The following ATXN1 variants were observed in gnomAD, a reference collection of about 807,000 sequenced individuals.
The protein encoded by ATXN1 is ataxin-1.
In ATXN1, 8 loss-of-function variants were observed where a neutral mutation model predicts 56.4. That is an observed-to-expected ratio of 0.14 (90% CI 0.08 to 0.26). ATXN1 has a LOEUF of 0.26. Ranked by LOEUF, ATXN1 falls within the 10% of genes least tolerant of loss-of-function variation. The pLI, the probability that ATXN1 is intolerant of heterozygous loss-of-function variation, is 1.00. For synonymous variants in ATXN1, 514 were observed against 494.6 expected, an observed-to-expected ratio of 1.04 and a Z score of -0.52; for missense variants, 987 against 1,106.5, an observed-to-expected ratio of 0.89 and a Z score of 1.53.
intron 3 of ATXN1, among the ~76,000 whole-genome samples, chr6:16,646,419 C>T (rs1420018128): frequency 6.6e-6 from 1 of 152,182 alleles, no homozygotes; most frequent in African/African-American, 2.4e-5. Flanking sequence ...GTAATCAGAG[C>T]TAATTTATGT....
chr6:16,357,713 G>A (rs552701653), intron 6 of ATXN1, among the ~76,000 whole-genome samples: 1 of 152,316 alleles, frequency 6.6e-6, no homozygotes, highest in Admixed American at 6.5e-5. Context: ...TCTAGACTCA[G>A]GTAGCGACAA....
intron 2 of ATXN1, among the ~76,000 whole-genome samples, chr6:16,699,875 T>A (rs1474846544): frequency 6.6e-6 from 1 of 152,184 alleles, no homozygotes; most frequent in Non-Finnish European, 1.5e-5. Flanking sequence ...AACATTTTTT[T>A]AATGTAAATT....
chr6:16,528,570 G>A (rs994527518), intron 4 of ATXN1, among the ~76,000 whole-genome samples: 10 of 152,112 alleles, frequency 6.6e-5, no homozygotes, highest in Admixed American at 2.0e-4. Context: ...TTGTCTTGTC[G>A]TTGTATTGTA....
intron 4 of ATXN1, among the ~76,000 whole-genome samples, chr6:16,564,366 C>T (rs536666641): frequency 2.6e-5 from 4 of 152,022 alleles, no homozygotes; most frequent in East Asian, 1.9e-4. Flanking sequence ...GTAGGCTGCA[C>T]AGAGAAATGA....
intron 3 of ATXN1, among the ~76,000 whole-genome samples, chr6:16,616,374 T>A (rs1763208805): frequency 6.6e-6 from 1 of 151,330 alleles, no homozygotes; most frequent in African/African-American, 2.4e-5. Flanking sequence ...ACCCTGTCTC[T>A]ACTAAAAATA....
chr6:16,715,425 T>C (rs946390360), intron 2 of ATXN1, among the ~76,000 whole-genome samples: 86 of 152,304 alleles, frequency 5.6e-4, no homozygotes, highest in African/African-American at 2.0e-3. Context: ...AAAAATTTCA[T>C]GACTACTGCC....
At chr6:16,354,135 G>A (rs1030908423) in intron 6 of ATXN1, among the ~76,000 whole-genome samples, 1 of 152,162 alleles carries the variant, frequency 6.6e-6, no homozygotes, top group African/African-American at 2.4e-5. Context: ...TCAATGTGCA[G>A]CCATGGTTGA....
chr6:16,531,142 G>C (rs772373576), intron 4 of ATXN1, among the ~76,000 whole-genome samples: 2 of 152,158 alleles, frequency 1.3e-5, no homozygotes, highest in Non-Finnish European at 2.9e-5. Context: ...GAGATAGAGG[G>C]GAAGAGAAGC....
intron 2 of ATXN1, among the ~76,000 whole-genome samples, chr6:16,677,466 T>C (rs1353857435): frequency 1.3e-5 from 2 of 152,228 alleles, no homozygotes; most frequent in Non-Finnish European, 2.9e-5. Context: ...TTGAATTTTC[T>C]CTCTGTGTCC....
At chr6:16,316,887 TTTTTTA>T (rs1314304497) in intron 7 of ATXN1, among the ~76,000 whole-genome samples, 1 of 107,506 alleles carries the variant, frequency 9.3e-6, no homozygotes. Flanking sequence ...TTTTTTTTTT[TTTTTTA>T]ACCAGCCAGA....
At chr6:16,683,253 G>A (rs1429527061) in intron 2 of ATXN1, among the ~76,000 whole-genome samples, 1 of 152,132 alleles carries the variant, frequency 6.6e-6, no homozygotes, top group East Asian at 1.9e-4. Flanking sequence ...CTTCACCTTG[G>A]ACTAGAACAA....
At chr6:16,421,123 G>C (rs746786647) in intron 6 of ATXN1, among the ~76,000 whole-genome samples, 3 of 152,170 alleles carry the variant, frequency 2.0e-5, no homozygotes, top group Non-Finnish European at 4.4e-5. Flanking sequence ...GGGCAGCTTT[G>C]TATTTATTTA....
intron 2 of ATXN1, among the ~76,000 whole-genome samples, chr6:16,752,531 C>T (rs1284298928): frequency 6.6e-6 from 1 of 152,158 alleles, no homozygotes; most frequent in Non-Finnish European, 1.5e-5. Context: ...AGAAATTGAT[C>T]CCCTATTTTC....
intron 2 of ATXN1, among the ~76,000 whole-genome samples, chr6:16,713,020 G>C (rs1400026184): frequency 1.3e-5 from 2 of 152,194 alleles, no homozygotes; most frequent in African/African-American, 4.8e-5. Flanking sequence ...ACAAGCAAGA[G>C]ATGACTCATA....
At chr6:16,686,731 A>C (rs535799733) in intron 2 of ATXN1, among the ~76,000 whole-genome samples, 3 of 152,342 alleles carry the variant, frequency 2.0e-5, no homozygotes, top group South Asian at 4.1e-4. Flanking sequence ...ACAAATATTT[A>C]AGTATAACCT....
At chr6:16,545,701 C>T (rs774516702) in intron 4 of ATXN1, among the ~76,000 whole-genome samples, 3 of 152,120 alleles carry the variant, frequency 2.0e-5, no homozygotes, top group Admixed American at 6.6e-5. Context: ...AAGGAGTTTG[C>T]GCTATAGGAG....
At chr6:16,414,507 AAATG>A (rs1317396478) in intron 6 of ATXN1, among the ~76,000 whole-genome samples, 1 of 152,236 alleles carries the variant, frequency 6.6e-6, no homozygotes, top group Non-Finnish European at 1.5e-5. Flanking sequence ...CCCACGACAC[AAATG>A]AATGCTAGAC....
intron 6 of ATXN1, among the ~76,000 whole-genome samples, chr6:16,365,694 C>T (rs1761902779): frequency 6.6e-6 from 1 of 152,208 alleles, no homozygotes; most frequent in African/African-American, 2.4e-5. Context: ...TCAAAGGGTG[C>T]ATTCAGTCCC....
chr6:16,695,901 C>T (rs1239209184), intron 2 of ATXN1, among the ~76,000 whole-genome samples: 1 of 151,992 alleles, frequency 6.6e-6, no homozygotes, highest in East Asian at 1.9e-4. Context: ...GAGTTCGACA[C>T]TACAGTGAGC....
Sources: gnomAD v4.1 joint callset for allele counts (sites outside exome capture counted in the v4.1 genomes callset) on GRCh38, gnomAD v4.1.1 for gene constraint, MANE v1.5 for transcripts, NCBI Gene and HGNC (gene_info 2026-07-23, HGNC 2026-07-21) for gene names.